Variants in PREX1 observed in about 807,000 individuals in gnomAD.
PREX1 encodes phosphatidylinositol-3,4,5-trisphosphate dependent Rac exchange factor 1.
A neutral mutation model predicts 198.3 loss-of-function variants in PREX1; 41 were observed. The ratio of observed to expected loss-of-function variants is 0.21; its 90% CI spans 0.16 to 0.27. PREX1 has a LOEUF of 0.27. Ranked by LOEUF, PREX1 falls within the 10% of genes least tolerant of loss-of-function variation. The probability of loss-of-function intolerance (pLI) is 1.00; values close to 1 mark genes in which losing one functional copy is unlikely to be tolerated. For missense variants in PREX1, 1,620 were observed against 2,200.7 expected, an observed-to-expected ratio of 0.74 and a Z score of 5.28; for synonymous variants, 843 against 887.2, an observed-to-expected ratio of 0.95 and a Z score of 0.89.
chr20:48,641,529 G>C (rs2089409989), intron 29 of PREX1, among the ~76,000 whole-genome samples: 1 of 151,998 alleles, frequency 6.6e-6, no homozygotes, highest in Non-Finnish European at 1.5e-5. Flanking sequence ...GCTCATACCT[G>C]GAATCCCAGC....
chr20:48,817,144 G>A (rs760845387), intron 1 of PREX1, among the ~76,000 whole-genome samples: 10 of 152,174 alleles, frequency 6.6e-5, no homozygotes, highest in Admixed American at 2.6e-4. Flanking sequence ...GCAGGGCAAT[G>A]GGAGGTGCTG....
At chr20:48,753,436 T>C (rs1034132770) in intron 1 of PREX1, among the ~76,000 whole-genome samples, 5 of 152,032 alleles carry the variant, frequency 3.3e-5, no homozygotes, top group Admixed American at 6.5e-5. Flanking sequence ...TAGAGACATT[T>C]TGGGTTGTCA....
At position 48,800,594 on chromosome 20, in the gene PREX1, C is replaced by T. The variant is rs146329041; in HGVS notation, c.219+27048G>A. Among the ~76,000 whole-genome samples, 60 of 152,106 alleles carry T rather than the reference C, an allele frequency of 3.9e-4. No individual in the cohort carries two copies. The East Asian group carries it at 0.01, about 26-fold the overall frequency. Reference sequence around the variant, plus strand: ...CTCTTTCCCTCCCTCATGTCACAGACGAGGAAACCAAGGACCAGGGAAGCT... The same window carrying T: ...CTCTTTCCCTCCCTCATGTCACAGATGAGGAAACCAAGGACCAGGGAAGCT... On this transcript the variant is annotated intron_variant, in intron 1 of 39. Coordinates refer to ENST00000371941, the MANE Select transcript of PREX1 (RefSeq NM_020820.4).
At chr20:48,753,558 C>T (rs1171269698) in intron 1 of PREX1, among the ~76,000 whole-genome samples, 1 of 152,190 alleles carries the variant, frequency 6.6e-6, no homozygotes, top group Non-Finnish European at 1.5e-5. Flanking sequence ...CCGCAAACAA[C>T]AGTGACAAGG....
chr20:48,853,515 C>A, the PREX1 span, among the ~76,000 whole-genome samples: 1 of 152,240 alleles, frequency 6.6e-6, no homozygotes, highest in South Asian at 2.1e-4. Context: ...GGGAACCACC[C>A]CCATGATTCA....
intron 1 of PREX1, among the ~76,000 whole-genome samples, chr20:48,796,222 G>A (rs1231374516): frequency 6.6e-6 from 1 of 151,772 alleles, no homozygotes; most frequent in African/African-American, 2.4e-5. Flanking sequence ...GAAGTGGCAT[G>A]TGTCTGTCCC....
At chr20:48,822,350 G>A (rs2090489886) in intron 1 of PREX1, among the ~76,000 whole-genome samples, 3 of 152,214 alleles carry the variant, frequency 2.0e-5, no homozygotes, top group Non-Finnish European at 4.4e-5. Flanking sequence ...GGATAGTGGT[G>A]AAGAATGTGG....
chr20:48,637,688 C>A (rs753757923), intron 31 of PREX1, 23 bp downstream of exon 31: 4 of 1,600,610 alleles, frequency 2.5e-6, no homozygotes, highest in South Asian at 2.3e-5. Context: ...TATGTGCCCC[C>A]CACACACCTT....
At chr20:48,829,752 G>T (rs930013627), upstream of PREX1, among the ~76,000 whole-genome samples, 1 of 152,146 alleles carries the variant, frequency 6.6e-6, no homozygotes, top group African/African-American at 2.4e-5. Context: ...CTACCACGAG[G>T]GGAGAACATG....
intron 1 of PREX1, among the ~76,000 whole-genome samples, chr20:48,816,069 G>A (rs1011404709): frequency 1.7e-4 from 25 of 150,568 alleles, no homozygotes; most frequent in Admixed American, 9.9e-4. Context: ...GGGGGTCTGT[G>A]TACTGTGTTG....
intron 29 of PREX1, among the ~76,000 whole-genome samples, chr20:48,641,438 G>A (rs939124008): frequency 7.9e-5 from 12 of 152,046 alleles, no homozygotes; most frequent in Non-Finnish European, 1.5e-4. Flanking sequence ...TTTTAAGAGT[G>A]ATACTTTTTA....
At chr20:48,838,993 C>CA in the PREX1 span, among the ~76,000 whole-genome samples, 1,187 of 22,986 alleles carry the variant, frequency 0.052, 247 homozygotes, top group African/African-American at 0.072. Context: ...GACTCTGTCT[C>CA]AAAAAAAAAA....
chr20:48,787,051 C>T (rs148319585), intron 1 of PREX1, among the ~76,000 whole-genome samples: 83 of 152,050 alleles, frequency 5.5e-4, no homozygotes, highest in African/African-American at 1.8e-3. Flanking sequence ...TCTGGGGACC[C>T]ATTCTCTGGG....
At chr20:48,692,887 C>CAGGGGACAGAGAGGAGCCCCAGGT in intron 7 of PREX1, 97 bp from the exon 8 acceptor site, 2 of 1,041,734 alleles carry the variant, frequency 1.9e-6, no homozygotes, top group Non-Finnish European at 3.0e-6. Flanking sequence ...GAGGGGCATC[C>CAGGGGACAGAGAGGAGCCCCAGGT]AGGGGACAGA....
intron 17 of PREX1, among the ~76,000 whole-genome samples, 157 bp from the exon 18 acceptor site, chr20:48,657,345 G>A (rs918833276): frequency 6.6e-6 from 1 of 152,190 alleles, no homozygotes; most frequent in African/African-American, 2.4e-5. Flanking sequence ...CAGTTGAGGG[G>A]CACAAGGGAC....
chr20:48,684,838 G>A lies in PREX1; in HGVS notation c.1335-3503C>T, dbSNP rs34939089. On this transcript the variant is annotated intron_variant, in intron 10 of 39. Transcript: ENST00000371941. This position sits in a 1 kb window ranked among gnomAD's most constrained non-coding sequence, Gnocchi z 4.2. The stretch of plus-strand genomic sequence containing the variant: ...GCTCCAGCCACAATGGCCTCCTCCT[G>A]TTCCACCATCACTCAAAGCTCACTG... Among the ~76,000 whole-genome samples, 4,876 of 152,292 alleles carry A rather than the reference G, an allele frequency of 0.032. 106 individuals are homozygous for A. The highest frequency in any genetic ancestry group is 0.054 in the Non-Finnish European group (3,680 of 68,028).
In PREX1 at chr20:48,650,066, G is replaced by C. The variant is rs1389428386; in HGVS notation, c.2958C>G (p.Pro986=). 6.2e-7 allele frequency: 1 copy of C among 1,614,246 alleles called. No homozygotes were observed. The highest frequency in any genetic ancestry group is 8.5e-7 in the Non-Finnish European group (1 of 1,180,042). ...GGATGCTGAAGGACCTGCCCACTGA[G>C]GGGGTGGTCTTGGGGTAGGACACTT... ...LMEVSYPKTT[P]SVGRSFSIRF... Residue 986 remains proline, a synonymous_variant, in exon 24 of 40, where the codon CCC becomes CCG. Transcript: ENST00000371941.
Position 48,706,791 on chromosome 20 carries a change from T to C in PREX1, c.783+1469A>G, listed in dbSNP as rs531735491. ...GGAAACAGAAACCAAGCCACGTACT[T>C]TTAAGCAAAAAGGAATGAGGGGCTT... On this transcript the variant is annotated intron_variant, in intron 6 of 39. Transcript: ENST00000371941. Among the ~76,000 whole-genome samples the C allele has an allele frequency of 2.6e-5, 4 of 152,282 alleles. No individual in the cohort carries two copies. In the South Asian group the frequency reaches 8.3e-4, roughly 32 times the overall value.
chr20:48,639,911 G>C lies in PREX1; in HGVS notation c.3776-17C>G. 2 of 1,613,426 alleles carry C rather than the reference G, an allele frequency of 1.2e-6. No individual in the cohort carries two copies. The highest frequency in any genetic ancestry group is 1.7e-6 in the Non-Finnish European group (2 of 1,179,488). Reference sequence around the variant, plus strand: ...GTTTAAACTCTGGGGCAGGAAAGTGGCATGAGGGCCAGGGAAGGGACGGAG... The same window carrying C: ...GTTTAAACTCTGGGGCAGGAAAGTGCCATGAGGGCCAGGGAAGGGACGGAG... On this transcript the variant is annotated splice_polypyrimidine_tract_variant and intron_variant, in intron 29 of 39. Coordinates refer to ENST00000371941, the MANE Select transcript of PREX1 (RefSeq NM_020820.4).
Sources: allele counts gnomAD v4.1 joint callset (sites outside exome capture counted in the v4.1 genomes callset), GRCh38; gene constraint gnomAD v4.1.1; non-coding constraint Gnocchi (gnomAD v3.1); transcripts MANE v1.5; gene names NCBI Gene and HGNC (gene_info 2026-07-23, HGNC 2026-07-21).